The following ITGA9 variants were observed in gnomAD, a reference collection of about 807,000 sequenced individuals.
ITGA9 encodes the protein integrin alpha-9.
In ITGA9, 56 loss-of-function variants were observed where a neutral mutation model predicts 127.8. That is an observed-to-expected ratio of 0.44 (90% CI 0.35 to 0.55). The LOEUF (loss-of-function observed/expected upper bound fraction) is 0.55, where lower values mean the gene tolerates loss of function less well. ITGA9 is among the 20% of genes least tolerant of loss of function. ITGA9 has a pLI of 0.00. For synonymous variants in ITGA9, 508 were observed against 514.5 expected (o/e 0.99, Z 0.17); for missense variants, 1,196 against 1,347.1 (o/e 0.89, Z 1.76).
chr3:37,628,978 A>G (rs183479898), intron 15 of ITGA9, among the ~76,000 whole-genome samples: 6 of 152,272 alleles, frequency 3.9e-5, no homozygotes, highest in Admixed American at 3.9e-4. Context: ...GCCCCCACCC[A>G]TCAACAGAAT....
intron 15 of ITGA9, among the ~76,000 whole-genome samples, chr3:37,550,778 C>T (rs1184928724): frequency 1.3e-5 from 2 of 152,190 alleles, no homozygotes; most frequent in African/African-American, 4.8e-5. Context: ...AACCCTGGCT[C>T]ATAAACTTTC....
chr3:37,575,164 G>A (rs1417474433), intron 15 of ITGA9, among the ~76,000 whole-genome samples: 1 of 152,250 alleles, frequency 6.6e-6, no homozygotes, highest in East Asian at 1.9e-4. Flanking sequence ...GCCCTGTGCT[G>A]CTGGTGCCAC....
intron 18 of ITGA9, 106 bp downstream of exon 18, chr3:37,684,121 C>T: frequency 1.0e-6 from 1 of 990,418 alleles, no homozygotes; most frequent in Non-Finnish European, 1.6e-6. Context: ...CTAATCCTTT[C>T]TGTGGACTAT....
intron 17 of ITGA9, among the ~76,000 whole-genome samples, chr3:37,673,992 G>A (rs1214422111): frequency 6.6e-6 from 1 of 152,104 alleles, no homozygotes; most frequent in Admixed American, 6.5e-5. Flanking sequence ...TGCTTTCTAG[G>A]ACATGGCCTT....
At chr3:37,464,281 T>TG (rs1259588843) in intron 1 of ITGA9, among the ~76,000 whole-genome samples, 2 of 151,546 alleles carry the variant, frequency 1.3e-5, no homozygotes, top group Admixed American at 1.3e-4. Context: ...TCAGGGTTTT[T>TG]TTTTTTTTTT....
Position 37,452,509 on chromosome 3 carries a change from C to G in ITGA9, c.135C>G (p.Asp45Glu). 6.6e-7 allele frequency: 1 copy of G among 1,526,662 alleles called. No individual in the cohort carries two copies. Among genetic ancestry groups the G allele is most frequent in the South Asian group, 1.2e-5 (1 of 81,550 alleles). 94.6% of individuals were successfully genotyped at this position (1,526,662 alleles called of 1,614,324 possible). ...CCGTGCACTTCCAGGGCCCCGCTGACTCGTTCTTCGGCTACGCAGTTCTGG... is the reference window on the plus strand; with the variant it reads ...CCGTGCACTTCCAGGGCCCCGCTGAGTCGTTCTTCGGCTACGCAGTTCTGG... ...QRPVHFQGPA[D>E]SFFGYAVLEH... Residue 45 changes from aspartate to glutamate, a missense_variant, in exon 1 of 28, where the codon GAC (aspartate) becomes GAG (glutamate). Asp to Glu is a conservative substitution (Grantham distance 45). Coordinates refer to ENST00000264741, the MANE Select transcript of ITGA9 (RefSeq NM_002207.3). The surrounding 1 kb of genome is among the most constrained non-coding windows in gnomAD (Gnocchi z 7.3).
In ITGA9 at chr3:37,680,725, C is replaced by T. The variant is rs989672083; in HGVS notation, c.1917-3140C>T. On this transcript the variant is annotated intron_variant, in intron 17 of 27. Coordinates refer to ENST00000264741, the MANE Select transcript of ITGA9 (RefSeq NM_002207.3). ...CTACTTATGAATGCCTGTCCACTTC[C>T]TTCTCAAGATAAAGCTAGGTTAGCA... Among the ~76,000 whole-genome samples, 5 of 152,190 alleles carry T rather than the reference C, an allele frequency of 3.3e-5. No individual in the cohort carries two copies. In the South Asian group the frequency reaches 1.0e-3, roughly 32 times the overall value.
intron 16 of ITGA9, among the ~76,000 whole-genome samples, chr3:37,648,660 A>T (rs1390065039): frequency 6.6e-6 from 1 of 151,950 alleles, no homozygotes; most frequent in Non-Finnish European, 1.5e-5. Flanking sequence ...TAAAAACCCT[A>T]CTAGCCAACA....
At chr3:37,626,189 T>C (rs2125633852) in intron 15 of ITGA9, among the ~76,000 whole-genome samples, 1 of 152,364 alleles carries the variant, frequency 6.6e-6, no homozygotes, top group Non-Finnish European at 1.5e-5. Flanking sequence ...CCCTATATGC[T>C]GTTATGTAAA....
At chr3:37,616,121 T>G (rs1206192667) in intron 15 of ITGA9, among the ~76,000 whole-genome samples, 47 of 148,084 alleles carry the variant, frequency 3.2e-4, no homozygotes, top group African/African-American at 5.3e-4. Flanking sequence ...AATTTCCCTC[T>G]ACACACTGCT....
intron 4 of ITGA9, among the ~76,000 whole-genome samples, chr3:37,491,725 A>G (rs1256615578): frequency 1.3e-5 from 2 of 152,232 alleles, no homozygotes; most frequent in Admixed American, 1.3e-4. Flanking sequence ...TCAGGTCTAG[A>G]CAAGCAAAAT....
intron 15 of ITGA9, among the ~76,000 whole-genome samples, chr3:37,545,594 C>T (rs1372114444): frequency 1.3e-5 from 2 of 152,238 alleles, no homozygotes; most frequent in African/African-American, 4.8e-5. Flanking sequence ...CACGGCCTCA[C>T]TGTGGTCAGC....
chr3:37,684,917 C>G (rs941005831), intron 18 of ITGA9, among the ~76,000 whole-genome samples: 1 of 152,148 alleles, frequency 6.6e-6, no homozygotes, highest in Admixed American at 6.5e-5. Flanking sequence ...CCATAATCAT[C>G]CCGAGTGTAC....
chr3:37,566,101 A>G (rs999940534), intron 15 of ITGA9, among the ~76,000 whole-genome samples: 1 of 152,224 alleles, frequency 6.6e-6, no homozygotes, highest in Admixed American at 6.5e-5. Flanking sequence ...ATTCATAAGA[A>G]GTTATAACTC....
intron 1 of ITGA9, among the ~76,000 whole-genome samples, chr3:37,466,865 A>G (rs1198782272): frequency 6.6e-6 from 1 of 152,232 alleles, no homozygotes; most frequent in Non-Finnish European, 1.5e-5. Context: ...TGTGGTAACC[A>G]TAGCAGAAAG....
Position 37,732,587 on chromosome 3 carries a change from C to T in ITGA9, c.2068-125C>T, listed in dbSNP as rs905298092. Reference sequence around the variant, plus strand: ...GGGGCTGGAGACGGCCTGGTCAGGGCATCTCGTCCCACTGGTGCCTACCGT... The same window carrying T: ...GGGGCTGGAGACGGCCTGGTCAGGGTATCTCGTCCCACTGGTGCCTACCGT... On this transcript the variant is annotated intron_variant, in intron 18 of 27. Transcript: ENST00000264741. 29 of 746,264 alleles carry T rather than the reference C, an allele frequency of 3.9e-5. No individual in the cohort carries two copies. The African/African-American group carries it at 4.3e-4, about 11-fold the overall frequency. 46.2% of individuals were successfully genotyped at this position (746,264 alleles called of 1,614,324 possible). A position where few individuals can be genotyped will look rare whatever the true frequency, so the allele number is the denominator to read the frequency against.
At chr3:37,573,410 G>A (rs1036895802) in intron 15 of ITGA9, among the ~76,000 whole-genome samples, 6 of 152,118 alleles carry the variant, frequency 3.9e-5, no homozygotes, top group Non-Finnish European at 5.9e-5. Context: ...ATTTTATTTT[G>A]CTCATGGATT....
chr3:37,528,920 C>G (rs1046386232), intron 13 of ITGA9, among the ~76,000 whole-genome samples: 1 of 152,184 alleles, frequency 6.6e-6, no homozygotes, highest in Non-Finnish European at 1.5e-5. Flanking sequence ...TGGTCATACC[C>G]CTCTCCTGAT....
In ITGA9 at chr3:37,637,666, T is replaced by C. The variant is rs568817582; in HGVS notation, c.1839+8330T>C. Among the ~76,000 whole-genome samples the C allele has an allele frequency of 3.7e-3, 552 of 148,622 alleles. 5 individuals are homozygous for C. The highest frequency in any genetic ancestry group is 0.014 in the African/African-American group (528 of 38,568). Reference sequence around the variant, plus strand: ...GGTGGGCCCCAGCAAACTATGTTTTTGTTTTTGTTTTTGTTTTTGTGTTTT... The same window carrying C: ...GGTGGGCCCCAGCAAACTATGTTTTCGTTTTTGTTTTTGTTTTTGTGTTTT... On this transcript the variant is annotated intron_variant, in intron 16 of 27. Transcript: ENST00000264741.
Sources: gnomAD v4.1 joint callset for allele counts (sites outside exome capture counted in the v4.1 genomes callset) on GRCh38, gnomAD v4.1.1 for gene constraint, Gnocchi (gnomAD v3.1) non-coding constraint, MANE v1.5 for transcripts, NCBI Gene and HGNC (gene_info 2026-07-23, HGNC 2026-07-21) for gene names.